VAV1: variants seen among roughly 807,000 people sequenced by gnomAD.
VAV1 encodes proto-oncogene vav.
A neutral mutation model predicts 128.1 loss-of-function variants in VAV1; 33 were observed. That is an observed-to-expected ratio of 0.26 (90% CI 0.20 to 0.34). The LOEUF is 0.34. VAV1 is among the 10% of genes least tolerant of loss of function. The pLI is 1.00. For synonymous variants in VAV1, 394 were observed against 409.8 expected (o/e 0.96, Z 0.47); for missense variants, 715 against 1,093.7 (o/e 0.65, Z 4.88).
At chr19:6,782,866 G>A (rs1054626504) in intron 1 of VAV1, among the ~76,000 whole-genome samples, 5 of 151,284 alleles carry the variant, frequency 3.3e-5, no homozygotes, top group African/African-American at 1.2e-4. Context: ...CCGGGTGACA[G>A]AGTGAGATCC....
intron 1 of VAV1, among the ~76,000 whole-genome samples, chr19:6,788,164 C>A (rs1411392253): frequency 6.6e-6 from 1 of 151,926 alleles, no homozygotes; most frequent in African/African-American, 2.4e-5. Context: ...GAACTTCTGG[C>A]CTCAAATGAT....
intron 1 of VAV1, among the ~76,000 whole-genome samples, chr19:6,789,593 C>CTTCCTTCCTTCCTTCCTTCCTTCCTTCCT (rs559220122): frequency 0.012 from 1,730 of 150,048 alleles, 40 homozygotes; most frequent in African/African-American, 0.039. Context: ...TTTTCTTTCC[C>CTTCCTTCCTTCCTTCCTTCCTTCCTTCCT]TCCTTCCTTC....
At chr19:6,779,935 C>A (rs914006495) in intron 1 of VAV1, among the ~76,000 whole-genome samples, 1 of 149,058 alleles carries the variant, frequency 6.7e-6, no homozygotes, top group Non-Finnish European at 1.5e-5. Context: ...CACGGTGAAA[C>A]CCCGTCTCTA....
chr19:6,795,201 C>T (rs1688492381), intron 1 of VAV1, among the ~76,000 whole-genome samples: 1 of 152,082 alleles, frequency 6.6e-6, no homozygotes, highest in South Asian at 2.1e-4. Context: ...CCAGCAGGGA[C>T]CTCCAATTGG....
intron 1 of VAV1, among the ~76,000 whole-genome samples, chr19:6,782,659 C>T (rs950220641): frequency 2.6e-5 from 4 of 151,938 alleles, no homozygotes; most frequent in Admixed American, 2.0e-4. Flanking sequence ...CAAGGCTAAT[C>T]GCTTGAGGCC....
intron 1 of VAV1, among the ~76,000 whole-genome samples, chr19:6,808,726 C>T (rs545650423): frequency 5.6e-4 from 86 of 152,270 alleles, no homozygotes; most frequent in African/African-American, 1.9e-3. Flanking sequence ...AAACAGTCCC[C>T]TAAAATGGAA....
chr19:6,776,824 C>T (rs1307577120), intron 1 of VAV1, among the ~76,000 whole-genome samples: 1 of 152,074 alleles, frequency 6.6e-6, no homozygotes, highest in African/African-American at 2.4e-5. Context: ...GGGGCATGAT[C>T]TCGGCTCACT....
At chr19:6,833,754 T>C (rs1216209031) in intron 18 of VAV1, 21 bp downstream of exon 18, 1 of 1,614,166 alleles carries the variant, frequency 6.2e-7, no homozygotes, top group African/African-American at 1.3e-5. Flanking sequence ...CCCGTGGTCC[T>C]TCCTGTGTAC....
chr19:6,835,214 TACACACACACAC>T (rs59124872), intron 19 of VAV1, among the ~76,000 whole-genome samples: 12 of 145,354 alleles, frequency 8.3e-5, no homozygotes, highest in Admixed American at 3.5e-4. Flanking sequence ...TATATATACA[TACACACACACAC>T]ACACACACAC....
chr19:6,781,192 C>T (rs1371379580), intron 1 of VAV1, among the ~76,000 whole-genome samples: 3 of 152,156 alleles, frequency 2.0e-5, no homozygotes, highest in Admixed American at 6.5e-5. Context: ...CGTGAATCAT[C>T]GTGCTCCACC....
intron 25 of VAV1, 105 bp downstream of exon 25, chr19:6,853,184 A>T: frequency 1.2e-6 from 1 of 819,288 alleles, no homozygotes; most frequent in Non-Finnish European, 1.9e-6. Context: ...TGCAGAGGTC[A>T]TATCTGTGCA....
At chr19:6,808,005 A>AAG (rs1555700695) in intron 1 of VAV1, among the ~76,000 whole-genome samples, 12 of 149,936 alleles carry the variant, frequency 8.0e-5, no homozygotes, top group African/African-American at 3.0e-4. Flanking sequence ...AAAAAAAAAA[A>AAG]AAAGAAAAGA....
chr19:6,829,061 C>T (rs1465173537), intron 13 of VAV1, among the ~76,000 whole-genome samples, 161 bp downstream of exon 13: 1 of 145,292 alleles, frequency 6.9e-6, no homozygotes, highest in African/African-American at 2.6e-5. Flanking sequence ...CGACATAGAT[C>T]TGGAGCAGAG....
At chr19:6,780,435 C>G (rs550923312) in intron 1 of VAV1, among the ~76,000 whole-genome samples, 6 of 150,748 alleles carry the variant, frequency 4.0e-5, no homozygotes, top group Non-Finnish European at 7.4e-5. Context: ...TTACATAAAC[C>G]TAGAGGGTAC....
chr19:6,802,007 C>A (rs1476686435), intron 1 of VAV1, among the ~76,000 whole-genome samples: 1 of 141,008 alleles, frequency 7.1e-6, no homozygotes, highest in Non-Finnish European at 1.5e-5. Flanking sequence ...AGGGGGGTTG[C>A]CCCCAGCAGG....
At chr19:6,780,573 CTTTTTTT>C (rs34155628) in intron 1 of VAV1, among the ~76,000 whole-genome samples, 4 of 128,930 alleles carry the variant, frequency 3.1e-5, no homozygotes, top group Non-Finnish European at 6.7e-5. Context: ...TTTCTTTTTT[CTTTTTTT>C]TTTTTTTTTG....
At chr19:6,807,495 T>A (rs1971420829) in intron 1 of VAV1, among the ~76,000 whole-genome samples, 1 of 151,940 alleles carries the variant, frequency 6.6e-6, no homozygotes, top group African/African-American at 2.4e-5. Flanking sequence ...TGGTTGTAAA[T>A]ACAGATGAAG....
chr19:6,805,744 A>T (rs1484011807), intron 1 of VAV1, among the ~76,000 whole-genome samples: 1 of 149,568 alleles, frequency 6.7e-6, no homozygotes, highest in Non-Finnish European at 1.5e-5. Context: ...GCTCACACAT[A>T]TGTGTATATA....
At chr19:6,809,628 G>C (rs920018800) in intron 1 of VAV1, among the ~76,000 whole-genome samples, 1 of 152,084 alleles carries the variant, frequency 6.6e-6, no homozygotes, top group Non-Finnish European at 1.5e-5. Context: ...GGGATGATGG[G>C]GGAACCATGG....
Sources: gnomAD v4.1 joint callset for allele counts (sites outside exome capture counted in the v4.1 genomes callset) on GRCh38, gnomAD v4.1.1 for gene constraint, MANE v1.5 for transcripts, NCBI Gene and HGNC (gene_info 2026-07-23, HGNC 2026-07-21) for gene names.